The following SLC9A9 variants were observed in gnomAD, a reference collection of about 807,000 sequenced individuals.
SLC9A9 encodes sodium/hydrogen exchanger 9.
Under a neutral mutation model 77.8 loss-of-function variants are expected in SLC9A9, and 62 were observed. That is an observed-to-expected ratio of 0.80 (90% CI 0.65 to 0.98). The LOEUF (loss-of-function observed/expected upper bound fraction) is 0.98, where lower values mean the gene tolerates loss of function less well. Among genes scored for constraint, SLC9A9 ranks in the 50% least tolerant of loss-of-function variants. The pLI, the probability that SLC9A9 is intolerant of heterozygous loss-of-function variation, is 0.00. For synonymous variants in SLC9A9, 320 were observed against 283.5 expected (o/e 1.13, Z -1.29); for missense variants, 775 against 774.9 (o/e 1.00, Z 0.00).
intron 4 of SLC9A9, among the ~76,000 whole-genome samples, chr3:143,699,972 G>A (rs184530575): frequency 1.3e-5 from 2 of 151,944 alleles, no homozygotes; most frequent in Non-Finnish European, 1.5e-5. Flanking sequence ...GGAGGACTTT[G>A]TCTTGTATCT....
intron 4 of SLC9A9, among the ~76,000 whole-genome samples, chr3:143,738,811 T>A (rs1490498654): frequency 6.6e-6 from 1 of 152,146 alleles, no homozygotes; most frequent in African/African-American, 2.4e-5. Flanking sequence ...TACAATGACT[T>A]GTTTATTATA....
intron 9 of SLC9A9, among the ~76,000 whole-genome samples, chr3:143,523,514 T>A (rs1183867839): frequency 6.6e-6 from 1 of 152,162 alleles, no homozygotes; most frequent in Admixed American, 6.5e-5. Context: ...TAGTGTTAAG[T>A]CATATAAAGA....
chr3:143,280,423 G>A (rs1938181388), intron 14 of SLC9A9, among the ~76,000 whole-genome samples: 1 of 149,816 alleles, frequency 6.7e-6, no homozygotes, highest in South Asian at 2.1e-4. Context: ...CACAAGGAGA[G>A]CCCTTTGTCT....
chr3:143,779,878 A>T (rs2007816342), intron 4 of SLC9A9, among the ~76,000 whole-genome samples: 1 of 152,224 alleles, frequency 6.6e-6, no homozygotes, highest in Non-Finnish European at 1.5e-5. Context: ...ATTATTTTCT[A>T]AAGCATGTGC....
chr3:143,300,966 G>A (rs1215057474), intron 14 of SLC9A9, among the ~76,000 whole-genome samples: 7 of 152,302 alleles, frequency 4.6e-5, no homozygotes, highest in African/African-American at 1.7e-4. Context: ...GCAAAAACCT[G>A]TTTAACATCT....
intron 4 of SLC9A9, among the ~76,000 whole-genome samples, chr3:143,749,201 C>T (rs1935276587): frequency 6.6e-6 from 1 of 152,044 alleles, no homozygotes; most frequent in South Asian, 2.1e-4. Flanking sequence ...ATCTCTTTGC[C>T]TTATTTGGAG....
intron 6 of SLC9A9, chr3:143,626,774 A>C (rs1040211531): frequency 1.3e-5 from 2 of 152,180 alleles, no homozygotes; most frequent in Non-Finnish European, 2.9e-5. Context: ...TAATAATTTA[A>C]AAAAAAGAAA....
Position 143,800,905 on chromosome 3 carries a change from C to T in SLC9A9, c.379-4002G>A, listed in dbSNP as rs573330563. Among the ~76,000 whole-genome samples the T allele has an allele frequency of 5.3e-5, 8 of 152,326 alleles. No homozygotes were observed. In the South Asian group the frequency reaches 1.7e-3, roughly 32 times the overall value. ...CTTGGCATAATTCTTCATAAAAACA[C>T]ACATGCTCTCCCTGCCGATTGTGTC... is the stretch of plus-strand genomic sequence containing the variant. On this transcript the variant is annotated intron_variant, in intron 2 of 15. Coordinates refer to ENST00000316549, the MANE Select transcript of SLC9A9 (RefSeq NM_173653.4).
intron 6 of SLC9A9, among the ~76,000 whole-genome samples, chr3:143,619,975 G>A (rs2038173881): frequency 6.6e-6 from 1 of 152,128 alleles, no homozygotes; most frequent in Non-Finnish European, 1.5e-5. Flanking sequence ...GCTTCAACCT[G>A]GGTGTCTTTG....
At chr3:143,711,860 T>C (rs1221083803) in intron 4 of SLC9A9, among the ~76,000 whole-genome samples, 7 of 152,226 alleles carry the variant, frequency 4.6e-5, no homozygotes, top group African/African-American at 1.7e-4. Flanking sequence ...TATTCACAAG[T>C]GTCTCTGACA....
intron 12 of SLC9A9, among the ~76,000 whole-genome samples, chr3:143,395,481 A>G (rs2033703679): frequency 6.6e-6 from 1 of 152,226 alleles, no homozygotes; most frequent in Non-Finnish European, 1.5e-5. Context: ...GTTAGACCTA[A>G]AACCATAAAA....
chr3:143,672,187 AT>A (rs35500236), intron 5 of SLC9A9, among the ~76,000 whole-genome samples: 14 of 150,682 alleles, frequency 9.3e-5, no homozygotes, highest in African/African-American at 1.5e-4. Context: ...TACATCTTAA[AT>A]TTTTTTTTTG....
chr3:143,446,055 G>T (rs1333114442), intron 12 of SLC9A9, among the ~76,000 whole-genome samples: 1 of 152,038 alleles, frequency 6.6e-6, no homozygotes, highest in Non-Finnish European at 1.5e-5. Context: ...AGCAGAGAAT[G>T]GGGCTGTAGC....
chr3:143,602,531 T>C (rs992605202), intron 6 of SLC9A9, among the ~76,000 whole-genome samples: 2 of 152,222 alleles, frequency 1.3e-5, no homozygotes, highest in African/African-American at 4.8e-5. Flanking sequence ...ATATCTTAAT[T>C]TAACTGTTTA....
intron 4 of SLC9A9, among the ~76,000 whole-genome samples, chr3:143,785,948 C>T (rs1358248536): frequency 6.7e-6 from 1 of 149,986 alleles, no homozygotes; most frequent in Non-Finnish European, 1.5e-5. Flanking sequence ...GCTCCGCCTC[C>T]CGGGTTCACG....
intron 14 of SLC9A9, among the ~76,000 whole-genome samples, chr3:143,291,665 T>G (rs777745220): frequency 2.6e-5 from 4 of 152,232 alleles, no homozygotes; most frequent in Admixed American, 1.3e-4. Context: ...AATCAGAACT[T>G]AAATCCAGCT....
At chr3:143,479,167 T>A (rs1477470226) in intron 11 of SLC9A9, among the ~76,000 whole-genome samples, 1 of 152,244 alleles carries the variant, frequency 6.6e-6, no homozygotes, top group Non-Finnish European at 1.5e-5. Flanking sequence ...TTGTGACAAT[T>A]TATATGTGTG....
chr3:143,604,160 AT>A (rs913629795), intron 6 of SLC9A9, among the ~76,000 whole-genome samples: 5 of 151,970 alleles, frequency 3.3e-5, no homozygotes, highest in African/African-American at 9.7e-5. Flanking sequence ...CCAGATACAC[AT>A]TTTTTTTAAG....
At chr3:143,657,885 G>T (rs1453094010) in intron 5 of SLC9A9, among the ~76,000 whole-genome samples, 2 of 151,184 alleles carry the variant, frequency 1.3e-5, no homozygotes, top group Non-Finnish European at 2.9e-5. Context: ...TTTATTTTTT[G>T]AGACTGAGTC....
Sources: gnomAD v4.1 joint callset for allele counts (sites outside exome capture counted in the v4.1 genomes callset) on GRCh38, gnomAD v4.1.1 for gene constraint, MANE v1.5 for transcripts, NCBI Gene and HGNC (gene_info 2026-07-23, HGNC 2026-07-21) for gene names.